SLC6A11: variants seen among roughly 807,000 people sequenced by gnomAD.
The protein encoded by SLC6A11 is solute carrier family 6 member 11.
SLC6A11 carries 25 observed loss-of-function variants against 74.8 expected under a neutral mutation model. The ratio of observed to expected loss-of-function variants is 0.33; its 90% CI spans 0.24 to 0.47. SLC6A11 has a LOEUF of 0.47. SLC6A11 is among the 20% of genes least tolerant of loss of function. The probability of loss-of-function intolerance (pLI) is 1.00; values close to 1 mark genes in which losing one functional copy is unlikely to be tolerated. For synonymous variants in SLC6A11, 330 were observed against 330.2 expected (o/e 1.00, Z 0.01); for missense variants, 574 against 837.0 (o/e 0.69, Z 3.88).
intron 5 of SLC6A11, among the ~76,000 whole-genome samples, chr3:10,866,736 A>G (rs1476749735): frequency 6.6e-6 from 1 of 152,174 alleles, no homozygotes; most frequent in Non-Finnish European, 1.5e-5. Flanking sequence ...GACTCTACCT[A>G]TTTAGAATTT....
intron 5 of SLC6A11, among the ~76,000 whole-genome samples, chr3:10,859,697 T>G (rs1343744638): frequency 6.6e-6 from 1 of 152,242 alleles, no homozygotes; most frequent in East Asian, 1.9e-4. Context: ...GATATCGTCT[T>G]ATTTTTAAGG....
In SLC6A11 at chr3:10,836,422, G is replaced by A. The variant is rs569625760; in HGVS notation, c.624-7792G>A. Among the ~76,000 whole-genome samples the A allele has an allele frequency of 9.8e-4, 149 of 152,298 alleles. 2 individuals are homozygous for A. The Middle Eastern group carries it at 0.041, about 42-fold the overall frequency. ...TTTGTGTTTAACTTTTTAAGAAAGT[G>A]CCAAATTGCTTTCCAAAGTGGCTGA... On this transcript the variant is annotated intron_variant, in intron 4 of 13. Coordinates refer to ENST00000254488, the MANE Select transcript of SLC6A11 (RefSeq NM_014229.3).
At chr3:10,893,882 A>G (rs1695138915) in intron 6 of SLC6A11, among the ~76,000 whole-genome samples, 1 of 152,228 alleles carries the variant, frequency 6.6e-6, no homozygotes, top group Non-Finnish European at 1.5e-5. Flanking sequence ...AGCCTTAAGT[A>G]CGTTGGCATT....
intron 6 of SLC6A11, among the ~76,000 whole-genome samples, chr3:10,876,550 T>A (rs1266291667): frequency 6.6e-6 from 1 of 152,130 alleles, no homozygotes; most frequent in African/African-American, 2.4e-5. Context: ...TTTCCAAATC[T>A]GGCTGATCAT....
At chr3:10,907,668 A>G in intron 6 of SLC6A11, among the ~76,000 whole-genome samples, 1 of 152,238 alleles carries the variant, frequency 6.6e-6, no homozygotes, top group African/African-American at 2.4e-5. Context: ...TTATATTGGC[A>G]CCAGACCTTT....
intron 5 of SLC6A11, among the ~76,000 whole-genome samples, chr3:10,873,976 C>CGCTACGCTAT (rs1694876650): frequency 7.4e-6 from 1 of 136,026 alleles, no homozygotes; most frequent in African/African-American, 3.5e-5. Flanking sequence ...TGCTATGCTA[C>CGCTACGCTAT]GCTACGCTAC....
intron 5 of SLC6A11, among the ~76,000 whole-genome samples, chr3:10,856,293 C>T (rs1407717879): frequency 6.6e-6 from 1 of 152,136 alleles, no homozygotes; most frequent in African/African-American, 2.4e-5. Context: ...AGGGAGACTG[C>T]GGGTTGAGAG....
At chr3:10,869,951 G>A (rs1282685380) in intron 5 of SLC6A11, among the ~76,000 whole-genome samples, 2 of 152,178 alleles carry the variant, frequency 1.3e-5, no homozygotes, top group African/African-American at 2.4e-5. Flanking sequence ...AAGCTGAGAA[G>A]AGAGGTGAAC....
At chr3:10,855,227 T>C (rs1020291628) in intron 5 of SLC6A11, among the ~76,000 whole-genome samples, 7 of 151,854 alleles carry the variant, frequency 4.6e-5, no homozygotes, top group Non-Finnish European at 1.0e-4. Flanking sequence ...TCCTGTGGAG[T>C]AGATACTAAT....
At chr3:10,876,610 G>A (rs1043489523) in intron 6 of SLC6A11, among the ~76,000 whole-genome samples, 6 of 151,886 alleles carry the variant, frequency 4.0e-5, no homozygotes, top group East Asian at 1.9e-4. Flanking sequence ...CCCTACTCCC[G>A]GTGATCCAGT....
intron 5 of SLC6A11, among the ~76,000 whole-genome samples, chr3:10,873,822 C>T (rs1575684614): frequency 6.6e-6 from 1 of 151,880 alleles, no homozygotes; most frequent in Admixed American, 6.6e-5. Flanking sequence ...CCTATCCTAT[C>T]CTATCCTATA....
At chr3:10,882,223 G>A (rs1347944345) in intron 6 of SLC6A11, among the ~76,000 whole-genome samples, 2 of 152,346 alleles carry the variant, frequency 1.3e-5, no homozygotes, top group African/African-American at 4.8e-5. Context: ...AGCCTTGGGA[G>A]CCATTTTACT....
chr3:10,835,348 G>C (rs1011572287), intron 4 of SLC6A11, among the ~76,000 whole-genome samples: 1 of 152,188 alleles, frequency 6.6e-6, no homozygotes, highest in Non-Finnish European at 1.5e-5. Flanking sequence ...TTCCCACCAC[G>C]TGGGATCCAC....
intron 4 of SLC6A11, among the ~76,000 whole-genome samples, chr3:10,838,809 T>C (rs1694400883): frequency 6.6e-6 from 1 of 152,160 alleles, no homozygotes; most frequent in South Asian, 2.1e-4. Flanking sequence ...TCCTCATCCA[T>C]GAAATGGGTA....
intron 9 of SLC6A11, 68 bp from the exon 10 acceptor site, chr3:10,929,134 G>T: frequency 6.4e-7 from 1 of 1,571,318 alleles, no homozygotes; most frequent in East Asian, 2.2e-5. Flanking sequence ...TGCTGCGCTT[G>T]CCCAGAGCCT....
intron 6 of SLC6A11, among the ~76,000 whole-genome samples, chr3:10,890,100 T>G (rs1213066226): frequency 2.7e-5 from 4 of 150,678 alleles, no homozygotes; most frequent in Non-Finnish European, 4.4e-5. Context: ...GATGCCCATC[T>G]GTGGCTAGTG....
intron 6 of SLC6A11, among the ~76,000 whole-genome samples, chr3:10,882,782 C>T (rs916017430): frequency 6.6e-6 from 1 of 152,184 alleles, no homozygotes. Flanking sequence ...TCTGCTGCCA[C>T]TGGCCAGATG....
chr3:10,819,725 A>G lies in SLC6A11; in HGVS notation c.405A>G (p.Ala135=). 6.2e-7 allele frequency: 1 copy of G among 1,614,180 alleles called. No individual in the cohort carries two copies. Among genetic ancestry groups the G allele is most frequent in the Non-Finnish European group, 8.5e-7 (1 of 1,180,026 alleles). The change falls in exon 3 of 14, where the codon GCA becomes GCG. Residue 135 remains alanine, a synonymous_variant. Coordinates refer to ENST00000254488, the MANE Select transcript of SLC6A11 (RefSeq NM_014229.3). ...TTGTCCTTTCAGGCATTGGCTATGCAACACAGGTGATTGAGGCCCATCTGA... is the reference window on the plus strand; with the variant it reads ...TTGTCCTTTCAGGCATTGGCTATGCGACACAGGTGATTGAGGCCCATCTGA... ...VCPLFEGIGY[A]TQVIEAHLNV...
chr3:10,826,856 CA>C (rs1694216721), intron 4 of SLC6A11, among the ~76,000 whole-genome samples: 1 of 152,226 alleles, frequency 6.6e-6, no homozygotes, highest in African/African-American at 2.4e-5. Flanking sequence ...ACACCAAGGG[CA>C]GGCAAGGGCA....
Sources: allele counts gnomAD v4.1 joint callset (sites outside exome capture counted in the v4.1 genomes callset), GRCh38; gene constraint gnomAD v4.1.1; transcripts MANE v1.5; gene names NCBI Gene and HGNC (gene_info 2026-07-23, HGNC 2026-07-21).